PRMT1: variants seen among roughly 807,000 people sequenced by gnomAD.
PRMT1 encodes the protein protein arginine methyltransferase 1, also known as protein arginine N-methyltransferase 1.
In PRMT1, 5 loss-of-function variants were observed where a neutral mutation model predicts 47.4. The observed-to-expected ratio is 0.11, with a 90% CI of 0.06 to 0.22. The LOEUF (loss-of-function observed/expected upper bound fraction) is 0.22, where lower values mean the gene tolerates loss of function less well. PRMT1 is among the 10% of genes least tolerant of loss of function. PRMT1 has a pLI of 1.00. For missense variants in PRMT1, 249 were observed against 518.4 expected, an observed-to-expected ratio of 0.48 and a Z score of 5.05; for synonymous variants, 227 against 204.6, an observed-to-expected ratio of 1.11 and a Z score of -0.94.
intron 5 of PRMT1, among the ~76,000 whole-genome samples, chr19:49,683,167 C>T (rs1281307430): frequency 6.6e-6 from 1 of 151,580 alleles, no homozygotes; most frequent in East Asian, 2.0e-4. Context: ...GATCCATCCA[C>T]TTTGGCCTCC....
rs1039866164 is a variant in PRMT1, at chr19:49,681,554, A to G, written c.193-356A>G. ...GGAGTTGAAGACCAACCTGGGCAAT[A>G]TGGTGAAACCCCATCTGTATGAAAA... On this transcript the variant is annotated intron_variant, in intron 3 of 10. Coordinates refer to ENST00000454376, the MANE Select transcript of PRMT1 (RefSeq NM_001536.6). The surrounding 1 kb of genome is among the most constrained non-coding windows in gnomAD (Gnocchi z 4.4). 5.3e-5 allele frequency among the ~76,000 whole-genome samples: 8 copies of G among 152,100 alleles called. No individual in the cohort carries two copies. The highest frequency in any genetic ancestry group is 5.9e-5 in the Non-Finnish European group (4 of 68,030).
Position 49,680,615 on chromosome 19 carries a change from C to G in PRMT1, c.192+27C>G, listed in dbSNP as rs781320625. On this transcript the variant is annotated intron_variant, in intron 3 of 10. Coordinates refer to ENST00000454376, the MANE Select transcript of PRMT1 (RefSeq NM_001536.6). The surrounding 1 kb of genome is among the most constrained non-coding windows in gnomAD (Gnocchi z 4.2). ...TCAGTGGGGACAGTCCCCAAGGCCC[C>G]AATCTTAGGGGGGCTTAAATGTTGG... is the stretch of plus-strand genomic sequence containing the variant. 3 of 1,534,146 alleles carry G rather than the reference C, an allele frequency of 2.0e-6. No individual in the cohort carries two copies. Among genetic ancestry groups the G allele is most frequent in the Non-Finnish European group, 1.8e-6 (2 of 1,107,750 alleles).
At chr19:49,687,207 C>T (rs2082220898) in intron 10 of PRMT1, among the ~76,000 whole-genome samples, 2 of 152,060 alleles carry the variant, frequency 1.3e-5, no homozygotes, top group Non-Finnish European at 2.9e-5. Context: ...CTTTCTTTTT[C>T]CTCCTGAGCA....
In PRMT1 at chr19:49,685,185, G is replaced by C. The variant is rs749792140; in HGVS notation, c.759+148G>C. ...AGCCAGAGGTGGTGCTAGAGGCCCA[G>C]GAAAGACACTTCGTCCTTTAAATAT... is the stretch of plus-strand genomic sequence containing the variant. On this transcript the variant is annotated intron_variant, in intron 8 of 10. Coordinates refer to ENST00000454376, the MANE Select transcript of PRMT1 (RefSeq NM_001536.6). The surrounding 1 kb of genome is among the most constrained non-coding windows in gnomAD (Gnocchi z 4.7). The C allele has an allele frequency of 5.2e-6, 8 of 1,543,670 alleles. No individual in the cohort carries two copies. The highest frequency in any genetic ancestry group is 5.2e-6 in the Non-Finnish European group (6 of 1,147,370).
chr19:49,680,424 GA>G lies in PRMT1; in HGVS notation c.91-62del. 1.5e-6 allele frequency: 2 copies of G among 1,354,572 alleles called. No individual in the cohort carries two copies. The highest frequency in any genetic ancestry group is 4.6e-5 in the East Asian group (2 of 43,502). The allele number at this position is 1,354,572 out of a possible 1,614,324, so 83.9% of individuals were successfully genotyped here. On this transcript the variant is annotated intron_variant, in intron 2 of 10. Transcript: ENST00000454376. The surrounding 1 kb of genome is among the most constrained non-coding windows in gnomAD (Gnocchi z 4.2). ...CTCTTCAGGGAAAAGTAGGGCGCTG[GA>G]GGTTTAAGAGGCTGTGGGGAGCCCC...
rs2082093871 is a variant in PRMT1 at position 49,680,113 on chromosome 19, CGCT to C, written c.90+189_90+191del. The C allele has an allele frequency of 2.6e-6, 3 of 1,151,898 alleles. No individual in the cohort carries two copies. The highest frequency in any genetic ancestry group is 3.8e-6 in the Non-Finnish European group (3 of 787,366). 71.4% of individuals were successfully genotyped at this position (1,151,898 alleles called of 1,614,324 possible). Reference sequence around the variant, plus strand: ...CCCCGCTGGCCTCCCCCAGTATCGCCGCTACTTCCTTAACTCCACCTCCAACCC... The same window carrying C: ...CCCCGCTGGCCTCCCCCAGTATCGCCACTTCCTTAACTCCACCTCCAACCC... On this transcript the variant is annotated intron_variant, in intron 2 of 10. Coordinates refer to ENST00000454376, the MANE Select transcript of PRMT1 (RefSeq NM_001536.6). The surrounding 1 kb of genome is among the most constrained non-coding windows in gnomAD (Gnocchi z 4.2).
chr19:49,686,544 C>A, intron 9 of PRMT1, 61 bp from the exon 10 acceptor site: 2 of 1,357,286 alleles, frequency 1.5e-6, no homozygotes, highest in South Asian at 1.2e-5. Flanking sequence ...ACAGAGGGAA[C>A]GCAAGGGTGG....
rs2082092365 is a variant in PRMT1 at position 49,680,020 on chromosome 19, C to T, written c.90+95C>T. The T allele has an allele frequency of 7.4e-7, 1 of 1,342,514 alleles. No individual in the cohort carries two copies. Among genetic ancestry groups the T allele is most frequent in the Non-Finnish European group, 1.0e-6 (1 of 955,384 alleles). 83.2% of individuals were successfully genotyped at this position (1,342,514 alleles called of 1,614,324 possible). On this transcript the variant is annotated intron_variant, in intron 2 of 10. Coordinates refer to ENST00000454376, the MANE Select transcript of PRMT1 (RefSeq NM_001536.6). This position sits in a 1 kb window ranked among gnomAD's most constrained non-coding sequence, Gnocchi z 4.2. ...CCCTTTCTTGAGGTCTAACCATACC[C>T]CTCTTGCTTCAAACCAGTTTACCCC...
Position 49,688,103 on chromosome 19 carries a change from C to CG in PRMT1, c.1033-59_1033-58insG. 1 of 1,468,418 alleles carries CG rather than the reference C, an allele frequency of 6.8e-7. No homozygotes were observed. The allele number at this position is 1,468,418 out of a possible 1,614,324, so 91.0% of individuals were successfully genotyped here. ...TCATCGTCGCATAGCCTGCCTGCAC[C>CG]CGCCCCCCGCCACCACCTCCTGGTG... On this transcript the variant is annotated intron_variant, in intron 10 of 10. Transcript: ENST00000454376. This position sits in a 1 kb window ranked among gnomAD's most constrained non-coding sequence, Gnocchi z 5.3.
At position 49,682,252 on chromosome 19, in the gene PRMT1, A is replaced by G. The variant is rs1410478795; in HGVS notation, c.405A>G (p.Leu135=). Residue 135 remains leucine, a synonymous_variant, in exon 5 of 11, where the codon TTA becomes TTG. Coordinates refer to ENST00000454376, the MANE Select transcript of PRMT1 (RefSeq NM_001536.6). ...YAVKIVKANK[L]DHVVTIIKGK... ...TGAAGATCGTCAAAGCCAACAAGTT[A>G]GACCACGGTGAGCCCAGAAAGAGGA... The G allele has an allele frequency of 2.5e-6, 4 of 1,613,056 alleles. No individual in the cohort carries two copies. Among genetic ancestry groups the G allele is most frequent in the Non-Finnish European group, 3.4e-6 (4 of 1,179,924 alleles).
At chr19:49,683,887 C>T (rs1440443107) in intron 5 of PRMT1, 40 bp from the exon 6 acceptor site, 1 of 1,588,346 alleles carries the variant, frequency 6.3e-7, no homozygotes, top group East Asian at 2.3e-5. Context: ...GAGGGGCAGG[C>T]CTCCCGGGGG....
chr19:49,685,545 TAAAAA>T lies in PRMT1; in HGVS notation c.759+516_759+520del. On this transcript the variant is annotated intron_variant, in intron 8 of 10. Transcript: ENST00000454376. This position sits in a 1 kb window ranked among gnomAD's most constrained non-coding sequence, Gnocchi z 4.7. ...TTTTTTTTACTTCTGAGACCCTGTT[TAAAAA>T]AAAAAAATACGGCGATGAGTATTTG... 1.3e-6 allele frequency: 1 copy of T among 797,588 alleles called. No individual in the cohort carries two copies. Among genetic ancestry groups the T allele is most frequent in the East Asian group, 1.2e-4 (1 of 8,316 alleles). The allele number at this position is 797,588 out of a possible 1,614,324, so 49.4% of individuals were successfully genotyped here. A position where few individuals can be genotyped will look rare whatever the true frequency, so the allele number is the denominator to read the frequency against.
Position 49,685,849 on chromosome 19 carries a change from G to A in PRMT1, c.760-244G>A. 7.3e-7 allele frequency: 1 copy of A among 1,363,320 alleles called. No individual in the cohort carries two copies. The highest frequency in any genetic ancestry group is 9.5e-7 in the Non-Finnish European group (1 of 1,057,098). 84.5% of individuals were successfully genotyped at this position (1,363,320 alleles called of 1,614,324 possible). ...AGGAGGTCTGGACAGAGTTAGGGTG[G>A]CACTGCCAGGTTTGGGTGTTGGAGA... On this transcript the variant is annotated intron_variant, in intron 8 of 10. Coordinates refer to ENST00000454376, the MANE Select transcript of PRMT1 (RefSeq NM_001536.6). The surrounding 1 kb of genome is among the most constrained non-coding windows in gnomAD (Gnocchi z 4.7).
rs1419593159 is a variant in PRMT1 at position 49,682,073 on chromosome 19, T to A, written c.348+8T>A. ...GCCCGCAAGGTCATCGGGGTGAGTC[T>A]CCAGGGTGGCCAGGCGGGGCCGGGC... is the stretch of plus-strand genomic sequence containing the variant. On this transcript the variant is annotated splice_region_variant and intron_variant, in intron 4 of 10. Transcript: ENST00000454376. 2 of 1,613,940 alleles carry A rather than the reference T, an allele frequency of 1.2e-6. No homozygotes were observed. Among genetic ancestry groups the A allele is most frequent in the South Asian group, 2.2e-5 (2 of 91,062 alleles).
chr19:49,679,253 C>T (rs1349621465), intron 1 of PRMT1, among the ~76,000 whole-genome samples: 7 of 152,126 alleles, frequency 4.6e-5, no homozygotes, highest in African/African-American at 9.7e-5. Context: ...ACCCTACCTT[C>T]GTGGGCAGAG....
In PRMT1 at chr19:49,677,405, G is replaced by T. The variant is rs984344533; in HGVS notation, c.36+89G>T. The T allele has an allele frequency of 6.6e-6, 8 of 1,209,778 alleles. No homozygotes were observed. The African/African-American group carries it at 9.3e-5, about 14-fold the overall frequency. The allele number at this position is 1,209,778 out of a possible 1,614,324, so 74.9% of individuals were successfully genotyped here. A position where few individuals can be genotyped will look rare whatever the true frequency, so the allele number is the denominator to read the frequency against. On this transcript the variant is annotated intron_variant, in intron 1 of 10. Transcript: ENST00000454376. ...GGTGGGGAAAGGGCTCTAAGTTGGC[G>T]ATATGGGGTTGGAGGTCCCCCGCCG...
At chr19:49,679,716 C>A in intron 1 of PRMT1, 156 bp from the exon 2 acceptor site, 1 of 662,640 alleles carries the variant, frequency 1.5e-6, no homozygotes, top group Non-Finnish European at 2.8e-6. Flanking sequence ...CTTTCTTAAA[C>A]ACCCCACCTC....
At chr19:49,678,182 G>C (rs1338059396) in intron 1 of PRMT1, 2 of 152,200 alleles carry the variant, frequency 1.3e-5, no homozygotes, top group African/African-American at 2.4e-5. Flanking sequence ...GAGGGAGGAG[G>C]GTATGTCCGC....
chr19:49,687,794 G>A (rs1193696945), intron 10 of PRMT1: 13 of 335,086 alleles, frequency 3.9e-5, no homozygotes, highest in Non-Finnish European at 4.1e-5. Flanking sequence ...GAGACAGCAG[G>A]CTGGACCATT....
Sources: allele counts gnomAD v4.1 joint callset (sites outside exome capture counted in the v4.1 genomes callset), GRCh38; gene constraint gnomAD v4.1.1; non-coding constraint Gnocchi (gnomAD v3.1); transcripts MANE v1.5; gene names NCBI Gene and HGNC (gene_info 2026-07-23, HGNC 2026-07-21).